Variants in SFMBT2 observed in about 807,000 individuals in gnomAD.
SFMBT2 encodes the protein scm-like with four MBT domains protein 2.
A neutral mutation model predicts 110.1 loss-of-function variants in SFMBT2; 38 were observed. That is an observed-to-expected ratio of 0.35 (90% confidence interval 0.27 to 0.45). SFMBT2 has a LOEUF of 0.45. Among genes scored for constraint, SFMBT2 ranks in the 20% least tolerant of loss-of-function variants. SFMBT2 has a pLI of 1.00. For synonymous variants in SFMBT2, 425 were observed against 425.4 expected, an observed-to-expected ratio of 1.00 and a Z score of 0.01; for missense variants, 1,011 against 1,094.9, an observed-to-expected ratio of 0.92 and a Z score of 1.08.
intron 4 of SFMBT2, among the ~76,000 whole-genome samples, chr10:7,311,424 C>A (rs1681797496): frequency 6.6e-6 from 1 of 152,184 alleles, no homozygotes; most frequent in Non-Finnish European, 1.5e-5. Context: ...GCAAATTCAC[C>A]TGCTAAGAAT....
At chr10:7,365,911 T>C (rs1469451871) in intron 4 of SFMBT2, among the ~76,000 whole-genome samples, 1 of 152,192 alleles carries the variant, frequency 6.6e-6, no homozygotes, top group Non-Finnish European at 1.5e-5. Flanking sequence ...ACCTTGTGAA[T>C]ATACTAAAAA....
At chr10:7,164,229 A>T (rs977130924) in intron 20 of SFMBT2, 6 of 740,456 alleles carry the variant, frequency 8.1e-6, no homozygotes, top group Non-Finnish European at 9.9e-6. Flanking sequence ...TCTACAAAAA[A>T]TTTAAAAATT....
chr10:7,182,324 C>T (rs751741840), intron 16 of SFMBT2, among the ~76,000 whole-genome samples: 1 of 152,192 alleles, frequency 6.6e-6, no homozygotes, highest in Non-Finnish European at 1.5e-5. Context: ...AGGCACAGGC[C>T]AACGCACTCA....
intron 2 of SFMBT2, among the ~76,000 whole-genome samples, chr10:7,376,727 C>CAAAAAAAAAAAAAAAAA (rs35816107): frequency 2.2e-5 from 1 of 44,736 alleles, no homozygotes; most frequent in African/African-American, 1.0e-4. Context: ...GGCCCTCCCA[C>CAAAAAAAAAAAAAAAAA]AAAAAAAAAA....
intron 16 of SFMBT2, among the ~76,000 whole-genome samples, chr10:7,181,809 CG>C (rs1838252794): frequency 6.6e-6 from 1 of 151,880 alleles, no homozygotes. Flanking sequence ...GCTGAACATA[CG>C]AAGATACAGC....
In SFMBT2 at chr10:7,367,922, C is replaced by T; in HGVS notation, c.196-33G>A. 1 of 1,606,720 alleles carries T rather than the reference C, an allele frequency of 6.2e-7. No individual in the cohort carries two copies. Among genetic ancestry groups the T allele is most frequent in the Non-Finnish European group, 8.5e-7 (1 of 1,175,220 alleles). ...AATCAGAAATAGAGAAAACCCATTACTACACTAGACACAATACATCCAGAA... is the reference window on the plus strand; with the variant it reads ...AATCAGAAATAGAGAAAACCCATTATTACACTAGACACAATACATCCAGAA... On this transcript the variant is annotated intron_variant, in intron 3 of 20. Coordinates refer to ENST00000397167, the MANE Select transcript of SFMBT2 (RefSeq NM_001387889.1). This position sits in a 1 kb window ranked among gnomAD's most constrained non-coding sequence, Gnocchi z 6.2.
chr10:7,370,652 A>C (rs1444429476), intron 2 of SFMBT2: 4 of 171,458 alleles, frequency 2.3e-5, no homozygotes, highest in Non-Finnish European at 4.7e-5. Context: ...GTTCCAACGC[A>C]TATTTGCTAC....
chr10:7,213,530 G>A (rs963643465), intron 11 of SFMBT2, among the ~76,000 whole-genome samples: 2 of 152,296 alleles, frequency 1.3e-5, no homozygotes, highest in South Asian at 2.1e-4. Flanking sequence ...CGTGGCTTCC[G>A]ACTTGGGTGA....
intron 7 of SFMBT2, among the ~76,000 whole-genome samples, chr10:7,269,906 A>C (rs1841526340): frequency 6.6e-6 from 1 of 151,556 alleles, no homozygotes; most frequent in Non-Finnish European, 1.5e-5. Flanking sequence ...ATTTCTCTGA[A>C]CATTACCTTC....
intron 4 of SFMBT2, among the ~76,000 whole-genome samples, chr10:7,318,526 T>C (rs1185823624): frequency 6.6e-6 from 1 of 152,238 alleles, no homozygotes; most frequent in East Asian, 1.9e-4. Flanking sequence ...AAGAATCTTA[T>C]GACTTGAATG....
At chr10:7,297,755 T>G (rs1842444212) in intron 4 of SFMBT2, among the ~76,000 whole-genome samples, 1 of 152,210 alleles carries the variant, frequency 6.6e-6, no homozygotes, top group East Asian at 1.9e-4. Context: ...AAAACTGAAT[T>G]CAGTGTTAAA....
intron 4 of SFMBT2, among the ~76,000 whole-genome samples, chr10:7,303,578 A>T (rs1842614288): frequency 6.6e-6 from 1 of 152,208 alleles, no homozygotes; most frequent in African/African-American, 2.4e-5. Flanking sequence ...ACTAAATATA[A>T]CCACAACCTA....
intron 10 of SFMBT2, 56 bp from the exon 11 acceptor site, chr10:7,220,593 G>A: frequency 6.3e-7 from 1 of 1,599,376 alleles, no homozygotes; most frequent in Non-Finnish European, 8.6e-7. Context: ...GGACAAAGCT[G>A]GGCAGATGAA....
chr10:7,195,804 C>T (rs943783068), intron 15 of SFMBT2, among the ~76,000 whole-genome samples: 20 of 152,184 alleles, frequency 1.3e-4, no homozygotes, highest in Admixed American at 5.2e-4. Flanking sequence ...CCTGGGACCA[C>T]GTGGCTACCT....
chr10:7,188,875 T>C lies in SFMBT2; in HGVS notation c.1699-142A>G, dbSNP rs1035460328. ...TGAAGTGAAGAAACGTGATTAAGTC[T>C]GATAGAACACTTGCCAGGCTAACAC... On this transcript the variant is annotated intron_variant, in intron 15 of 20. Transcript: ENST00000397167. 8 of 660,426 alleles carry C rather than the reference T, an allele frequency of 1.2e-5. No homozygotes were observed. In the African/African-American group the frequency reaches 1.5e-4, roughly 12 times the overall value. The allele number at this position is 660,426 out of a possible 1,614,324, so 40.9% of individuals were successfully genotyped here.
intron 7 of SFMBT2, among the ~76,000 whole-genome samples, chr10:7,263,051 G>A (rs1490803321): frequency 6.6e-6 from 1 of 152,030 alleles, no homozygotes; most frequent in Admixed American, 6.6e-5. Context: ...CAGGAGGTAG[G>A]GGAGCACGTA....
chr10:7,241,970 A>G lies in SFMBT2; in HGVS notation c.1120+1588T>C, dbSNP rs11255056. Among the ~76,000 whole-genome samples the G allele has an allele frequency of 4.3e-3, 658 of 152,340 alleles. 1 individual carries two copies. Among genetic ancestry groups the G allele is most frequent in the Non-Finnish European group, 7.2e-3 (492 of 68,030 alleles). On this transcript the variant is annotated intron_variant, in intron 9 of 20. Coordinates refer to ENST00000397167, the MANE Select transcript of SFMBT2 (RefSeq NM_001387889.1). The stretch of plus-strand genomic sequence containing the variant: ...TACTATTGAGGAATAAGCAAAGTCT[A>G]ACCAAGTAGCATTTACATATCTAGA...
chr10:7,246,201 CA>C, intron 8 of SFMBT2: 2 of 981,686 alleles, frequency 2.0e-6, no homozygotes, highest in Non-Finnish European at 2.4e-6. Flanking sequence ...TAAGAAAAAG[CA>C]AAATAAAAAG....
intron 7 of SFMBT2, chr10:7,249,632 G>A (rs906429261): frequency 2.5e-6 from 2 of 787,426 alleles, no homozygotes; most frequent in South Asian, 1.2e-4. Context: ...TTACTCCAAC[G>A]ACGCCACTCT....
Sources: gnomAD v4.1 joint callset for allele counts (sites outside exome capture counted in the v4.1 genomes callset) on GRCh38, gnomAD v4.1.1 for gene constraint, Gnocchi (gnomAD v3.1) non-coding constraint, MANE v1.5 for transcripts, NCBI Gene and HGNC (gene_info 2026-07-23, HGNC 2026-07-21) for gene names.